The following NCOA2 variants were observed in gnomAD, a reference collection of about 807,000 sequenced individuals.
NCOA2 encodes class E basic helix-loop-helix protein 75.
In NCOA2, 21 loss-of-function variants were observed where a neutral mutation model predicts 145.1. The observed-to-expected ratio is 0.14, with a 90% confidence interval of 0.10 to 0.21. The LOEUF is 0.21. NCOA2 is among the 10% of genes least tolerant of loss of function. The probability of loss-of-function intolerance (pLI) is 1.00; values close to 1 mark genes in which losing one functional copy is unlikely to be tolerated. For missense variants in NCOA2, 1,472 were observed against 1,837.6 expected (o/e 0.80, Z 3.64); for synonymous variants, 619 against 637.5 (o/e 0.97, Z 0.44).
Position 70,124,881 on chromosome 8 carries a change from A to G in NCOA2, c.3917-16T>C. On this transcript the variant is annotated splice_polypyrimidine_tract_variant and intron_variant, in intron 19 of 22. Transcript: ENST00000452400. ...TGACTTATTCCTTAAAAAAAAAAACAGAAACAGAAATCCAAAAGAGACTGT... is the reference window on the plus strand; with the variant it reads ...TGACTTATTCCTTAAAAAAAAAAACGGAAACAGAAATCCAAAAGAGACTGT... 6.5e-7 allele frequency: 1 copy of G among 1,549,408 alleles called. No homozygotes were observed. Among genetic ancestry groups the G allele is most frequent in the Non-Finnish European group, 8.7e-7 (1 of 1,149,314 alleles).
chr8:70,365,026 A>C (rs1439562348), intron 1 of NCOA2, among the ~76,000 whole-genome samples: 5 of 152,160 alleles, frequency 3.3e-5, no homozygotes, highest in African/African-American at 1.2e-4. Flanking sequence ...ATTCTTATGA[A>C]GTGCCAACTC....
At chr8:70,334,060 A>G (rs1056619165) in intron 1 of NCOA2, among the ~76,000 whole-genome samples, 3 of 152,124 alleles carry the variant, frequency 2.0e-5, no homozygotes, top group Admixed American at 6.6e-5. Flanking sequence ...TTCACTCTAC[A>G]TACTGCTACC....
At chr8:70,274,877 C>T (rs1021859737) in intron 2 of NCOA2, among the ~76,000 whole-genome samples, 4 of 152,190 alleles carry the variant, frequency 2.6e-5, no homozygotes, top group African/African-American at 9.7e-5. Context: ...AAGATGCTCG[C>T]TCACTCCACT....
At chr8:70,233,265 T>A (rs1821312846) in intron 2 of NCOA2, among the ~76,000 whole-genome samples, 2 of 152,122 alleles carry the variant, frequency 1.3e-5, no homozygotes, top group South Asian at 4.1e-4. Context: ...CATATTTCAT[T>A]ATAACCCCAG....
At chr8:70,143,018 C>T (rs1449373599) in intron 13 of NCOA2, among the ~76,000 whole-genome samples, 2 of 150,206 alleles carry the variant, frequency 1.3e-5, no homozygotes, top group Admixed American at 6.6e-5. Flanking sequence ...GGTATGATCT[C>T]GGCTCACTAC....
chr8:70,321,180 G>A (rs1224625469), intron 1 of NCOA2, among the ~76,000 whole-genome samples: 1 of 152,072 alleles, frequency 6.6e-6, no homozygotes, highest in East Asian at 1.9e-4. Context: ...TGTACAGCAT[G>A]GAAAGTATAG....
chr8:70,447,814 C>G, the NCOA2 span, among the ~76,000 whole-genome samples: 1 of 151,482 alleles, frequency 6.6e-6, no homozygotes, highest in Non-Finnish European at 1.5e-5. Context: ...TCTCCTGAGT[C>G]GTTAGGACTA....
intron 22 of NCOA2, among the ~76,000 whole-genome samples, chr8:70,115,097 C>T (rs1806938878): frequency 6.6e-6 from 1 of 152,112 alleles, no homozygotes; most frequent in African/African-American, 2.4e-5. Context: ...ATGAAAAACC[C>T]TCAATTTTCC....
the NCOA2 span, among the ~76,000 whole-genome samples, chr8:70,432,802 T>C: frequency 6.6e-6 from 1 of 152,208 alleles, no homozygotes; most frequent in South Asian, 2.1e-4. Context: ...TATATGTATT[T>C]TTATATTTCC....
chr8:70,290,292 C>T (rs1190496438), intron 2 of NCOA2, among the ~76,000 whole-genome samples: 1 of 151,354 alleles, frequency 6.6e-6, no homozygotes, highest in Non-Finnish European at 1.5e-5. Flanking sequence ...GGGTTCACAC[C>T]ATTCTCCTGC....
rs11989876 is a variant in NCOA2 at position 70,222,186 on chromosome 8, C to A, written c.-19-5422G>T. On this transcript the variant is annotated intron_variant, in intron 2 of 22. Transcript: ENST00000452400. ...TCACTTCAAATAAATCCAGAAAAAT[C>A]TAGAATTTGTTTTCAAATAAGTTCA... Among the ~76,000 whole-genome samples, 1,411 of 152,254 alleles carry A rather than the reference C, an allele frequency of 9.3e-3. 22 individuals carry two copies. Among genetic ancestry groups the A allele is most frequent in the African/African-American group, 0.032 (1,314 of 41,552 alleles).
chr8:70,410,862 T>G, the NCOA2 span, among the ~76,000 whole-genome samples: 1 of 152,192 alleles, frequency 6.6e-6, no homozygotes, highest in East Asian at 1.9e-4. Context: ...GCAAAATGAA[T>G]GTATAATGAT....
chr8:70,333,832 G>GT (rs1807314900), intron 1 of NCOA2, among the ~76,000 whole-genome samples: 1 of 152,188 alleles, frequency 6.6e-6, no homozygotes, highest in Non-Finnish European at 1.5e-5. Context: ...CTAAGAGTGG[G>GT]TAACACTGGC....
intron 2 of NCOA2, among the ~76,000 whole-genome samples, chr8:70,277,932 T>A (rs937130457): frequency 6.6e-6 from 1 of 152,182 alleles, no homozygotes; most frequent in African/African-American, 2.4e-5. Flanking sequence ...ATACAATTCA[T>A]CAATTTAAAT....
the NCOA2 span, among the ~76,000 whole-genome samples, chr8:70,428,180 ATGG>A: frequency 6.6e-5 from 10 of 152,056 alleles, no homozygotes; most frequent in African/African-American, 2.4e-4. Context: ...CTGGTCAGGC[ATGG>A]TGGTTCACAC....
intron 15 of NCOA2, among the ~76,000 whole-genome samples, chr8:70,133,066 G>A (rs1456214468): frequency 6.6e-6 from 1 of 151,344 alleles, no homozygotes; most frequent in Non-Finnish European, 1.5e-5. Context: ...TTAGAGTAGA[G>A]GAGGGGTGTG....
intron 1 of NCOA2, among the ~76,000 whole-genome samples, chr8:70,394,295 A>G (rs1192938814): frequency 6.6e-6 from 1 of 152,142 alleles, no homozygotes; most frequent in Non-Finnish European, 1.5e-5. Context: ...AGCTGGGATT[A>G]CAGGTGCCCG....
chr8:70,123,640 T>C (rs1563481606), intron 21 of NCOA2, among the ~76,000 whole-genome samples: 1 of 151,806 alleles, frequency 6.6e-6, no homozygotes, highest in Non-Finnish European at 1.5e-5. Context: ...AAAATGTCAA[T>C]GATAAGAAAG....
At chr8:70,149,286 G>A (rs759490675) in intron 11 of NCOA2, among the ~76,000 whole-genome samples, 10 of 150,672 alleles carry the variant, frequency 6.6e-5, no homozygotes, top group African/African-American at 1.2e-4. Flanking sequence ...CCAGACTGGC[G>A]AGCAGTAGCG....
Sources: gnomAD v4.1 joint callset for allele counts (sites outside exome capture counted in the v4.1 genomes callset) on GRCh38, gnomAD v4.1.1 for gene constraint, MANE v1.5 for transcripts, NCBI Gene and HGNC (gene_info 2026-07-23, HGNC 2026-07-21) for gene names.